Variants in ARID5B observed in about 807,000 individuals in gnomAD.
The protein encoded by ARID5B is AT-rich interactive domain-containing protein 5B.
ARID5B carries 13 observed loss-of-function variants against 97.2 expected under a neutral mutation model. The observed-to-expected ratio is 0.13, with a 90% confidence interval of 0.09 to 0.21. The LOEUF is 0.21. Among genes scored for constraint, ARID5B ranks in the 10% least tolerant of loss-of-function variants. The probability of loss-of-function intolerance (pLI) is 1.00; values close to 1 mark genes in which losing one functional copy is unlikely to be tolerated. For missense variants in ARID5B, 1,210 were observed against 1,465.3 expected (o/e 0.83, Z 2.84); for synonymous variants, 556 against 570.3 (o/e 0.97, Z 0.36).
rs770371063 is a variant in ARID5B, at chr10:62,059,234, C to T, written c.1049-9C>T. On this transcript the variant is annotated splice_polypyrimidine_tract_variant and intron_variant, in intron 6 of 9. Transcript: ENST00000279873. ...ATGCTTATCTAAATACTTATTGTCC[C>T]TCTAACAGTTAACCTTTGGACTATG... 6.2e-7 allele frequency: 1 copy of T among 1,606,866 alleles called. No individual in the cohort carries two copies. Among genetic ancestry groups the T allele is most frequent in the Non-Finnish European group, 8.5e-7 (1 of 1,175,166 alleles).
rs571158789 is a variant in ARID5B at position 61,947,335 on chromosome 10, C to T, written c.502+6927C>T. ...CCAGGCTGGAGTGCAGTGGTGCGAT[C>T]TTGGCTCACTGTAACGTCTGCTTCC... On this transcript the variant is annotated intron_variant, in intron 3 of 9. Transcript: ENST00000279873. Among the ~76,000 whole-genome samples the T allele has an allele frequency of 9.8e-5, 14 of 143,078 alleles. No homozygotes were observed. In the East Asian group the frequency reaches 1.5e-3, roughly 15 times the overall value. The allele number at this position is 143,078 out of a possible 152,430, so 93.9% of individuals were successfully genotyped here. A position where few individuals can be genotyped will look rare whatever the true frequency, so the allele number is the denominator to read the frequency against.
chr10:61,950,946 G>A (rs189315251), intron 3 of ARID5B, among the ~76,000 whole-genome samples: 2 of 152,204 alleles, frequency 1.3e-5, no homozygotes, highest in Non-Finnish European at 2.9e-5. Flanking sequence ...AGTGGGTTCT[G>A]TGAGCAGGTA....
At chr10:61,972,492 G>T (rs1269482451) in intron 3 of ARID5B, among the ~76,000 whole-genome samples, 1 of 152,044 alleles carries the variant, frequency 6.6e-6, no homozygotes, top group African/African-American at 2.4e-5. Context: ...GCCTCCCAAA[G>T]TGCTGGGATT....
At chr10:62,059,123 T>TG in intron 6 of ARID5B, 120 bp from the exon 7 acceptor site, 1 of 734,054 alleles carries the variant, frequency 1.4e-6, no homozygotes, top group Non-Finnish European at 2.2e-6. Context: ...CTTAGCTCTC[T>TG]GGGGTACTTT....
At chr10:61,912,025 T>C (rs954155806) in intron 2 of ARID5B, among the ~76,000 whole-genome samples, 19 of 152,120 alleles carry the variant, frequency 1.2e-4, no homozygotes, top group African/African-American at 4.6e-4. Flanking sequence ...AATGAGAGAG[T>C]CTGGATTATG....
At chr10:62,068,845 A>G (rs1840026709) in intron 7 of ARID5B, among the ~76,000 whole-genome samples, 1 of 152,226 alleles carries the variant, frequency 6.6e-6, no homozygotes, top group Non-Finnish European at 1.5e-5. Flanking sequence ...ATTTTGTAAA[A>G]TCTTAATTTT....
intron 3 of ARID5B, among the ~76,000 whole-genome samples, chr10:61,968,418 A>G (rs995484198): frequency 2.0e-5 from 3 of 151,594 alleles, no homozygotes; most frequent in Non-Finnish European, 2.9e-5. Context: ...TAAGCACACT[A>G]TTTCCAAACT....
rs777101019 is a variant in ARID5B at position 61,951,519 on chromosome 10, G to T, written c.502+11111G>T. Among the ~76,000 whole-genome samples the T allele has an allele frequency of 3.5e-4, 54 of 152,222 alleles. 1 individual carries two copies. Among genetic ancestry groups the T allele is most frequent in the Admixed American group, 1.1e-3 (17 of 15,290 alleles). The stretch of plus-strand genomic sequence containing the variant: ...GTTTCTTTGCAAACTTCATGCCTAC[G>T]GGATAAAATACAAATGTTACAGGAG... On this transcript the variant is annotated intron_variant, in intron 3 of 9. Transcript: ENST00000279873.
chr10:62,068,577 AC>A (rs1315572088), intron 7 of ARID5B, among the ~76,000 whole-genome samples: 1 of 150,982 alleles, frequency 6.6e-6, no homozygotes, highest in Non-Finnish European at 1.5e-5. Context: ...CCCTTGGTGA[AC>A]TCCGCTGGCA....
chr10:62,082,514 G>A (rs1037751367), intron 8 of ARID5B, among the ~76,000 whole-genome samples: 2 of 152,178 alleles, frequency 1.3e-5, no homozygotes, highest in Non-Finnish European at 2.9e-5. Context: ...TATCTGTACA[G>A]TTTAGAAACT....
intron 8 of ARID5B, among the ~76,000 whole-genome samples, chr10:62,080,255 A>G (rs1589289073): frequency 1.3e-5 from 2 of 151,740 alleles, no homozygotes. Flanking sequence ...TCGGCACACT[A>G]TTTTTTCTGC....
At chr10:61,950,830 C>G (rs1335573485) in intron 3 of ARID5B, among the ~76,000 whole-genome samples, 1 of 152,226 alleles carries the variant, frequency 6.6e-6, no homozygotes, top group Non-Finnish European at 1.5e-5. Context: ...TCATTAGCCA[C>G]TGTATGATTA....
intron 2 of ARID5B, among the ~76,000 whole-genome samples, chr10:61,936,768 CCCATTGAGT>C (rs1844308297): frequency 6.6e-6 from 1 of 151,258 alleles, no homozygotes; most frequent in Non-Finnish European, 1.5e-5. Flanking sequence ...TTTGTATCAA[CCCATTGAGT>C]CCTGGCAATT....
At chr10:62,010,180 AAAGG>A (rs1215484344) in intron 4 of ARID5B, among the ~76,000 whole-genome samples, 1 of 152,208 alleles carries the variant, frequency 6.6e-6, no homozygotes, top group Non-Finnish European at 1.5e-5. Flanking sequence ...ATGAGAAAGA[AAAGG>A]AGAGAGGCAC....
chr10:62,058,246 T>C (rs1839881749), intron 6 of ARID5B, among the ~76,000 whole-genome samples: 1 of 152,212 alleles, frequency 6.6e-6, no homozygotes, highest in African/African-American at 2.4e-5. Context: ...ATTAATGTAT[T>C]ATGAACAGCT....
chr10:62,080,956 G>C (rs1840205466), intron 8 of ARID5B, among the ~76,000 whole-genome samples: 1 of 152,040 alleles, frequency 6.6e-6, no homozygotes, highest in African/African-American at 2.4e-5. Flanking sequence ...CCAAGTGGCT[G>C]GGATTACAGG....
intron 8 of ARID5B, among the ~76,000 whole-genome samples, chr10:62,071,445 A>G (rs1379151949): frequency 6.6e-6 from 1 of 152,186 alleles, no homozygotes; most frequent in Non-Finnish European, 1.5e-5. Flanking sequence ...CATCAAACAT[A>G]AAGGAGCAGA....
At chr10:62,012,876 A>G (rs138499452) in intron 4 of ARID5B, among the ~76,000 whole-genome samples, 2 of 152,298 alleles carry the variant, frequency 1.3e-5, no homozygotes, top group Non-Finnish European at 2.9e-5. Flanking sequence ...CAGTTTACAT[A>G]ATCCCTTTTT....
chr10:61,982,619 G>A (rs1838792036), intron 3 of ARID5B, among the ~76,000 whole-genome samples: 2 of 152,216 alleles, frequency 1.3e-5, no homozygotes, highest in South Asian at 2.1e-4. Flanking sequence ...TTATAAAAGA[G>A]CGTCCTAGCC....
Sources: gnomAD v4.1 joint callset for allele counts (sites outside exome capture counted in the v4.1 genomes callset) on GRCh38, gnomAD v4.1.1 for gene constraint, MANE v1.5 for transcripts, NCBI Gene and HGNC (gene_info 2026-07-23, HGNC 2026-07-21) for gene names.